VSIG8: variants seen among roughly 807,000 people sequenced by gnomAD.
VSIG8 encodes the protein V-set and immunoglobulin domain containing 8, also known as V-set and immunoglobulin domain-containing protein 8.
VSIG8 carries 32 observed loss-of-function variants against 42.6 expected under a neutral mutation model. The ratio of observed to expected loss-of-function variants is 0.75; its 90% CI spans 0.57 to 1.01. The LOEUF is 1.01. VSIG8 is among the 50% of genes least tolerant of loss of function. The pLI, the probability that VSIG8 is intolerant of heterozygous loss-of-function variation, is 0.00. For synonymous variants in VSIG8, 290 were observed against 243.8 expected (o/e 1.19, Z -1.77); for missense variants, 529 against 558.0 (o/e 0.95, Z 0.52).
chr1:159,856,030 G>T lies in VSIG8; in HGVS notation c.824C>A (p.Ala275Glu). 1.2e-6 allele frequency: 2 copies of T among 1,611,862 alleles called. No homozygotes were observed. Among genetic ancestry groups the T allele is most frequent in the Non-Finnish European group, 1.7e-6 (2 of 1,179,230 alleles). ...GATGCCTACGGCCAGGCAGCCCAGC[G>T]CGAGCAGAGAGCCCAGGACGATGCC... is the stretch of plus-strand genomic sequence containing the variant. ...IIGIVLGSLL[A>E]LGCLAVGIWG... Residue 275 changes from alanine (A) to glutamate (E), a missense_variant, in exon 6 of 7, where the codon GCG becomes GAG. Ala to Glu is a moderately radical substitution (Grantham distance 107). Coordinates refer to ENST00000368100, the MANE Select transcript of VSIG8 (RefSeq NM_001013661.1).
chr1:159,857,605 G>T, intron 4 of VSIG8, 140 bp downstream of exon 4: 1 of 645,804 alleles, frequency 1.5e-6, no homozygotes, highest in Non-Finnish European at 2.6e-6. Flanking sequence ...GCAGCTGCTG[G>T]GGCAGGCCCA....
chr1:159,856,789 A>ACC, intron 4 of VSIG8, 146 bp from the exon 5 acceptor site: 2 of 1,019,130 alleles, frequency 2.0e-6, no homozygotes, highest in Non-Finnish European at 1.4e-6. Flanking sequence ...ACACACACAC[A>ACC]CTCCACTCTC....
intron 6 of VSIG8, chr1:159,855,514 T>C (rs1183845589): frequency 1.0e-6 from 1 of 984,638 alleles, no homozygotes; most frequent in Non-Finnish European, 1.2e-6. Flanking sequence ...CTAATATAAG[T>C]TATTAGCACT....
In VSIG8 at chr1:159,854,708, G is replaced by A. The variant is rs887593038; in HGVS notation, c.*45C>T. On this transcript the variant is annotated 3_prime_UTR_variant, in exon 7 of 7. Transcript: ENST00000368100. ...TCCCCAGCTGCAGACAGAGAGCCCC[G>A]CGCCCTCCTCCTGGCTGGGGCGCAG... The A allele has an allele frequency of 3.5e-6, 5 of 1,418,298 alleles. No individual in the cohort carries two copies. Among genetic ancestry groups the A allele is most frequent in the Admixed American group, 6.2e-5 (2 of 32,296 alleles). 87.9% of individuals were successfully genotyped at this position (1,418,298 alleles called of 1,614,324 possible).
Position 159,854,810 on chromosome 1 carries a change from C to A in VSIG8, c.1188G>T (p.Ala396=). 2 of 1,504,538 alleles carry A rather than the reference C, an allele frequency of 1.3e-6. No homozygotes were observed. The highest frequency in any genetic ancestry group is 1.8e-6 in the Non-Finnish European group (2 of 1,134,000). The allele number at this position is 1,504,538 out of a possible 1,614,324, so 93.2% of individuals were successfully genotyped here. Residue 396 remains alanine, a synonymous_variant, in exon 7 of 7, where the codon GCG becomes GCT. Coordinates refer to ENST00000368100, the MANE Select transcript of VSIG8 (RefSeq NM_001013661.1). Reference sequence around the variant, plus strand: ...GCCCCTCGGCGCAGTCAGCCGGCTCCGCGCTCTTGACCTTGACGTAGACCG... The same window carrying A: ...GCCCCTCGGCGCAGTCAGCCGGCTCAGCGCTCTTGACCTTGACGTAGACCG... ...PSPVYVKVKS[A]EPADCAEGPV... is the part of the protein sequence containing the mutation.
At chr1:159,860,762 G>A (rs981383102) in intron 1 of VSIG8, 2 of 152,306 alleles carry the variant, frequency 1.3e-5, no homozygotes, top group African/African-American at 2.4e-5. Context: ...TGAGAGCAGA[G>A]GCTCCACCCT....
chr1:159,856,736 G>C, intron 4 of VSIG8, 93 bp from the exon 5 acceptor site: 1 of 1,541,596 alleles, frequency 6.5e-7, no homozygotes, highest in South Asian at 1.2e-5. Flanking sequence ...CACTCTAGAA[G>C]AAGGGAAGGC....
chr1:159,856,682 T>A (rs1433273751), intron 4 of VSIG8, 39 bp from the exon 5 acceptor site: 2 of 1,606,656 alleles, frequency 1.2e-6, no homozygotes, highest in Non-Finnish European at 1.7e-6. Context: ...CTCTGAGAGC[T>A]CCCACCCCAA....
At position 159,854,554 on chromosome 1, in the gene VSIG8, G is replaced by T; in HGVS notation, c.*199C>A. On this transcript the variant is annotated 3_prime_UTR_variant, in exon 7 of 7. Transcript: ENST00000368100. Reference sequence around the variant, plus strand: ...AGAAGGCTCAGGATCGCCTTCCTCCGCCCTCGCCCGCCCCTTCCCACTTTT... The same window carrying T: ...AGAAGGCTCAGGATCGCCTTCCTCCTCCCTCGCCCGCCCCTTCCCACTTTT... The T allele has an allele frequency of 9.3e-7, 1 of 1,071,378 alleles. No individual in the cohort carries two copies. The highest frequency in any genetic ancestry group is 1.2e-6 in the Non-Finnish European group (1 of 814,908). The allele number at this position is 1,071,378 out of a possible 1,614,324, so 66.4% of individuals were successfully genotyped here.
rs753737436 is a variant in VSIG8, at chr1:159,855,849, C to T, written c.971+34G>A. 6.6e-6 allele frequency: 10 copies of T among 1,517,796 alleles called. No homozygotes were observed. The African/African-American group carries it at 1.3e-4, about 19-fold the overall frequency. The allele number at this position is 1,517,796 out of a possible 1,614,324, so 94.0% of individuals were successfully genotyped here. A position where few individuals can be genotyped will look rare whatever the true frequency, so the allele number is the denominator to read the frequency against. On this transcript the variant is annotated intron_variant, in intron 6 of 6. Transcript: ENST00000368100. ...GGTGGGCAGGGCGCCGGTTCCCTGC[C>T]GCACAGCAGCATGCAGCATGCATCA...
Position 159,857,888 on chromosome 1 carries a change from C to A in VSIG8, c.509G>T (p.Ser170Ile), listed in dbSNP as rs377592150. Reference sequence around the variant, plus strand: ...GTAGGAGAGGGGCTGGGAGCCCCCACTGGCATAGCACTTCAGCACCACATC... The same window carrying A: ...GTAGGAGAGGGGCTGGGAGCCCCCAATGGCATAGCACTTCAGCACCACATC... ...GNDVVLKCYA[S>I]GGSQPLSYKW... The change falls in exon 4 of 7, where the codon AGT becomes ATT. Residue 170 changes from serine (S) to isoleucine (I), a missense_variant. By Grantham distance (142) the Ser-to-Ile change is moderately radical (BLOSUM62 -2). Coordinates refer to ENST00000368100, the MANE Select transcript of VSIG8 (RefSeq NM_001013661.1). 14 of 1,614,140 alleles carry A rather than the reference C, an allele frequency of 8.7e-6. No individual in the cohort carries two copies. The highest frequency in any genetic ancestry group is 1.1e-5 in the Non-Finnish European group (13 of 1,180,050).
At position 159,862,567 on chromosome 1, in the gene VSIG8, G is replaced by C. The variant is rs1649058441; in HGVS notation, c.-46C>G. The C allele has an allele frequency of 6.3e-7, 1 of 1,593,370 alleles. No individual in the cohort carries two copies. ...CTCCGTCTGGGCTGGGTATCCCGTGGGGTCGTAGTGGTGGGTGTGAGGGGG... is the reference window on the plus strand; with the variant it reads ...CTCCGTCTGGGCTGGGTATCCCGTGCGGTCGTAGTGGTGGGTGTGAGGGGG... On this transcript the variant is annotated 5_prime_UTR_variant, in exon 1 of 7. Coordinates refer to ENST00000368100, the MANE Select transcript of VSIG8 (RefSeq NM_001013661.1).
Position 159,858,922 on chromosome 1 carries a change from G to A in VSIG8, c.50-10C>T. 3.1e-6 allele frequency: 5 copies of A among 1,609,336 alleles called. No individual in the cohort carries two copies. The highest frequency in any genetic ancestry group is 4.2e-6 in the Non-Finnish European group (5 of 1,177,408). On this transcript the variant is annotated splice_polypyrimidine_tract_variant and intron_variant, in intron 1 of 6. Coordinates refer to ENST00000368100, the MANE Select transcript of VSIG8 (RefSeq NM_001013661.1). ...ACAGCAGACAGCAGTGCTAGGGGGA[G>A]GGCAGAGAAGATGGGGTGGTAGGAG...
At chr1:159,855,284 A>G (rs1365036545) in intron 6 of VSIG8, 1 of 1,548,440 alleles carries the variant, frequency 6.5e-7, no homozygotes, top group Non-Finnish European at 8.7e-7. Context: ...CCCTGCAGGC[A>G]GCCCCCTCCA....
At chr1:159,855,861 T>G in intron 6 of VSIG8, 22 bp downstream of exon 6, 2 of 1,544,254 alleles carry the variant, frequency 1.3e-6, no homozygotes, top group Non-Finnish European at 1.7e-6. Context: ...CACAGCAGCA[T>G]GCAGCATGCA....
chr1:159,854,857 C>A lies in VSIG8; in HGVS notation c.1141G>T (p.Ala381Ser). The change falls in exon 7 of 7, where the codon GCC (alanine) becomes TCC (serine). Residue 381 changes from alanine to serine, a missense_variant. Transcript: ENST00000368100. ...VALAPCTAAA[A>S]CEAGPSPVYV... Reference sequence around the variant, plus strand: ...ACCGGGGAGGGGCCCGCTTCGCAGGCGGCGGCGGCGGTGCAGGGCGCCAGG... The same window carrying A: ...ACCGGGGAGGGGCCCGCTTCGCAGGAGGCGGCGGCGGTGCAGGGCGCCAGG... The A allele has an allele frequency of 4.8e-6, 7 of 1,456,192 alleles. No individual in the cohort carries two copies. The highest frequency in any genetic ancestry group is 6.3e-6 in the Non-Finnish European group (7 of 1,112,846). The allele number at this position is 1,456,192 out of a possible 1,614,324, so 90.2% of individuals were successfully genotyped here. A position where few individuals can be genotyped will look rare whatever the true frequency, so the allele number is the denominator to read the frequency against.
chr1:159,855,955 C>A lies in VSIG8; in HGVS notation c.899G>T (p.Arg300Leu). The A allele has an allele frequency of 6.3e-7, 1 of 1,581,076 alleles. No homozygotes were observed. The highest frequency in any genetic ancestry group is 8.6e-7 in the Non-Finnish European group (1 of 1,164,238). Residue 300 changes from arginine (R) to leucine (L), a missense_variant, in exon 6 of 7, where the codon CGC (arginine) becomes CTC (leucine). Arg to Leu is a moderately radical substitution (Grantham distance 102). Coordinates refer to ENST00000368100, the MANE Select transcript of VSIG8 (RefSeq NM_001013661.1). ...CCGGSGAGGA[R>L]GAFGYGNGGG... ...GCCGTTGCCGTAGCCGAAGGCACCGCGGGCGCCGCCAGCCCCGGAGCCCCC... is the reference window on the plus strand; with the variant it reads ...GCCGTTGCCGTAGCCGAAGGCACCGAGGGCGCCGCCAGCCCCGGAGCCCCC...
intron 2 of VSIG8, 74 bp downstream of exon 2, chr1:159,858,660 T>C (rs1286219046): frequency 1.3e-6 from 2 of 1,515,032 alleles, no homozygotes; most frequent in Admixed American, 4.3e-5. Flanking sequence ...GTCTTCTCCC[T>C]TTGGGATGTT....
In VSIG8 at chr1:159,855,045, G is replaced by A. The variant is rs111439060; in HGVS notation, c.972-19C>T. On this transcript the variant is annotated intron_variant, in intron 6 of 6. Coordinates refer to ENST00000368100, the MANE Select transcript of VSIG8 (RefSeq NM_001013661.1). ...GTCCTCTCTGTGGAAAACAACAGGC[G>A]GGCGGGTGAGCGGGCTGCTCCGCAG... 3 of 1,572,638 alleles carry A rather than the reference G, an allele frequency of 1.9e-6. No homozygotes were observed. Among genetic ancestry groups the A allele is most frequent in the South Asian group, 1.2e-5 (1 of 85,908 alleles).
Sources: gnomAD v4.1 joint callset for allele counts on GRCh38, gnomAD v4.1.1 for gene constraint, MANE v1.5 for transcripts, NCBI Gene and HGNC (gene_info 2026-07-23, HGNC 2026-07-21) for gene names.